Variants in GRB14 observed in about 807,000 individuals in gnomAD.
GRB14 encodes the protein growth factor receptor bound protein 14, also known as growth factor receptor-bound protein 14.
In GRB14, 38 loss-of-function variants were observed where a neutral mutation model predicts 69.1. The ratio of observed to expected loss-of-function variants is 0.55; its 90% CI spans 0.42 to 0.72. The LOEUF (loss-of-function observed/expected upper bound fraction) is 0.72, where lower values mean the gene tolerates loss of function less well. GRB14 is among the 30% of genes least tolerant of loss of function. GRB14 has a pLI of 0.00. For missense variants in GRB14, 666 were observed against 666.1 expected (o/e 1.00, Z 0.00); for synonymous variants, 247 against 241.3 (o/e 1.02, Z -0.22).
chr2:164,540,863 T>C (rs959545704), intron 3 of GRB14, among the ~76,000 whole-genome samples: 2 of 152,210 alleles, frequency 1.3e-5, no homozygotes, highest in Non-Finnish European at 2.9e-5. Flanking sequence ...AAATATTTGC[T>C]AAACTGTTTG....
intron 3 of GRB14, 39 bp from the exon 4 acceptor site, chr2:164,527,174 CAAATATATAT>C: frequency 1.8e-5 from 6 of 330,884 alleles, no homozygotes; most frequent in Non-Finnish European, 1.0e-5. Flanking sequence ...GACAGATAGA[CAAATATATAT>C]ATATATATAT....
intron 3 of GRB14, among the ~76,000 whole-genome samples, chr2:164,532,387 C>A (rs989700769): frequency 6.6e-6 from 1 of 152,074 alleles, no homozygotes; most frequent in Non-Finnish European, 1.5e-5. Context: ...TCTTATAATA[C>A]CTATAGTAAG....
At chr2:164,503,169 T>TAAAAAAAAAAAAAAAAAAAAAA (rs3086552) in intron 8 of GRB14, among the ~76,000 whole-genome samples, 2 of 126,606 alleles carry the variant, frequency 1.6e-5, no homozygotes, top group Non-Finnish European at 3.4e-5. Context: ...GCTACTTTGT[T>TAAAAAAAAAAAAAAAAAAAAAA]AAAAAAAAAA....
At chr2:164,557,248 G>C (rs1688702032) in intron 2 of GRB14, among the ~76,000 whole-genome samples, 1 of 152,120 alleles carries the variant, frequency 6.6e-6, no homozygotes, top group Non-Finnish European at 1.5e-5. Flanking sequence ...ATGAGGACAG[G>C]GAGTAAGCAT....
intron 2 of GRB14, among the ~76,000 whole-genome samples, chr2:164,619,345 C>G (rs925847702): frequency 6.6e-6 from 1 of 152,136 alleles, no homozygotes; most frequent in Non-Finnish European, 1.5e-5. Flanking sequence ...CTACTACTGC[C>G]CACCCCGTCC....
At chr2:164,594,761 A>G (rs1195674027) in intron 2 of GRB14, among the ~76,000 whole-genome samples, 1 of 152,202 alleles carries the variant, frequency 6.6e-6, no homozygotes. Context: ...AGTATCGTGT[A>G]CACATTTTAA....
At chr2:164,525,219 C>T (rs1687739078) in intron 4 of GRB14, 141 bp from the exon 5 acceptor site, 2 of 676,666 alleles carry the variant, frequency 3.0e-6, no homozygotes, top group Admixed American at 5.4e-5. Context: ...AAATGCCCGT[C>T]CTTAGACTCT....
chr2:164,591,791 A>C (rs1407900853), intron 2 of GRB14, among the ~76,000 whole-genome samples: 1 of 152,114 alleles, frequency 6.6e-6, no homozygotes. Flanking sequence ...TAGACTACTG[A>C]TCCCAGTGAT....
Position 164,518,718 on chromosome 2 carries a change from A to G in GRB14, c.816+3262T>C, listed in dbSNP as rs2105278958. Among the ~76,000 whole-genome samples, 2 of 152,240 alleles carry G rather than the reference A, an allele frequency of 1.3e-5. 1 individual carries two copies. The highest frequency in any genetic ancestry group is 4.1e-4 in the South Asian group (2 of 4,826). ...AACCAATACCAGAGAAATACAAAAGATCATTCAAGGCTACTATGAACACCT... is the reference window on the plus strand; with the variant it reads ...AACCAATACCAGAGAAATACAAAAGGTCATTCAAGGCTACTATGAACACCT... On this transcript the variant is annotated intron_variant, in intron 6 of 13. Coordinates refer to ENST00000263915, the MANE Select transcript of GRB14 (RefSeq NM_004490.3).
intron 6 of GRB14, among the ~76,000 whole-genome samples, chr2:164,512,897 T>TAAG (rs1687376327): frequency 6.6e-6 from 1 of 152,240 alleles, no homozygotes; most frequent in South Asian, 2.1e-4. Context: ...CAATAAAACA[T>TAAG]ATCCAGAACT....
rs776152261 is a variant in GRB14, at chr2:164,525,057, C to T, written c.625G>A (p.Val209Ile). Residue 209 changes from valine (V) to isoleucine (I), a missense_variant, in exon 5 of 14, where the codon GTA becomes ATA. Physicochemically the swap from Val to Ile is conservative, Grantham distance 29 (BLOSUM62 3). Coordinates refer to ENST00000263915, the MANE Select transcript of GRB14 (RefSeq NM_004490.3). The part of the protein sequence containing the change: ...NPMYFFPEHM[V>I]SFATETNGEI... ...CCATTGGTTTCAGTTGCAAAAGATA[C>T]CATATGCTCTGGAAAAAAATACTGT... 1 of 1,586,458 alleles carries T rather than the reference C, an allele frequency of 6.3e-7. No individual in the cohort carries two copies. The highest frequency in any genetic ancestry group is 1.7e-5 in the Admixed American group (1 of 57,230).
chr2:164,496,644 A>G (rs1314150066), intron 12 of GRB14, among the ~76,000 whole-genome samples: 1 of 152,180 alleles, frequency 6.6e-6, no homozygotes, highest in East Asian at 1.9e-4. Context: ...TATAAACCAT[A>G]CTTCGAAATC....
chr2:164,574,319 G>A (rs1315753101), intron 2 of GRB14, among the ~76,000 whole-genome samples: 3 of 149,090 alleles, frequency 2.0e-5, no homozygotes, highest in African/African-American at 7.5e-5. Flanking sequence ...TCAGCTCACT[G>A]CAACCTCCGC....
chr2:164,560,063 G>C (rs986417852), intron 2 of GRB14, among the ~76,000 whole-genome samples: 4 of 152,104 alleles, frequency 2.6e-5, no homozygotes, highest in Non-Finnish European at 4.4e-5. Flanking sequence ...GCTGAAGCTG[G>C]AGTCTTGACC....
chr2:164,594,608 C>A (rs1428000478), intron 2 of GRB14, among the ~76,000 whole-genome samples: 1 of 152,132 alleles, frequency 6.6e-6, no homozygotes, highest in Admixed American at 6.5e-5. Context: ...ACCACAGGTG[C>A]ACAGAGAACT....
intron 2 of GRB14, among the ~76,000 whole-genome samples, chr2:164,617,982 C>CG (rs1393462640): frequency 1.6e-5 from 2 of 123,172 alleles, no homozygotes; most frequent in Admixed American, 9.3e-5. Flanking sequence ...GTAGTGTCAG[C>CG]GGGGGACAGA....
Position 164,547,761 on chromosome 2 carries a change from T to G in GRB14, c.380A>C (p.Asp127Ala), listed in dbSNP as rs1236109354. 1.2e-6 allele frequency: 2 copies of G among 1,613,858 alleles called. No homozygotes were observed. Among genetic ancestry groups the G allele is most frequent in the East Asian group, 4.5e-5 (2 of 44,860 alleles). The change falls in exon 3 of 14, where the codon GAC becomes GCC. Residue 127 changes from aspartate (D) to alanine (A), a missense_variant. Physicochemically the swap from Asp to Ala is moderately radical, Grantham distance 126 (BLOSUM62 -2). Transcript: ENST00000263915. ...CTGACAAACATCTCGAGCCGTTATG[T>G]CACTGGGTACATCTAAAGCCCTGCT... ...ETSRALDVPS[D>A]ITARDVCQLL... is the part of the protein sequence containing the mutation.
intron 8 of GRB14, among the ~76,000 whole-genome samples, chr2:164,508,068 C>T (rs532841514): frequency 2.8e-4 from 43 of 152,280 alleles, no homozygotes; most frequent in African/African-American, 9.9e-4. Context: ...AAAACAGTTA[C>T]ATTAAATATC....
At chr2:164,561,286 T>A (rs1273295878) in intron 2 of GRB14, among the ~76,000 whole-genome samples, 1 of 152,164 alleles carries the variant, frequency 6.6e-6, no homozygotes, top group Non-Finnish European at 1.5e-5. Flanking sequence ...CTCCTCATAC[T>A]GTAAAATGGG....
Sources: gnomAD v4.1 joint callset for allele counts (sites outside exome capture counted in the v4.1 genomes callset) on GRCh38, gnomAD v4.1.1 for gene constraint, MANE v1.5 for transcripts, NCBI Gene and HGNC (gene_info 2026-07-23, HGNC 2026-07-21) for gene names.